The following PPP1R21 variants were observed in gnomAD, a reference collection of about 807,000 sequenced individuals.
PPP1R21 encodes protein phosphatase 1 regulatory subunit 21, also known as KLRAQ motif containing 1.
A neutral mutation model predicts 112.8 loss-of-function variants in PPP1R21; 85 were observed. The ratio of observed to expected loss-of-function variants is 0.75; its 90% confidence interval spans 0.63 to 0.90. PPP1R21 has a LOEUF of 0.90. Ranked by LOEUF, PPP1R21 falls within the 40% of genes least tolerant of loss-of-function variation. PPP1R21 has a pLI of 0.00. For synonymous variants in PPP1R21, 381 were observed against 322.3 expected, an observed-to-expected ratio of 1.18 and a Z score of -1.95; for missense variants, 1,199 against 901.5, an observed-to-expected ratio of 1.33 and a Z score of -4.23.
At position 48,469,279 on chromosome 2, in the gene PPP1R21, GTGTGTGTGTGTGTGTGTA is replaced by G. The variant is rs1468443382; in HGVS notation, c.898-1804_898-1787del. ...ATTTGAATTGTGTGTGTGTGTGTGTGTGTGTGTGTGTGTGTGTATGTATATATATACACACACACACAT... is the reference window on the plus strand; with the variant it reads ...ATTTGAATTGTGTGTGTGTGTGTGTGTGTATATATATACACACACACACAT... On this transcript the variant is annotated intron_variant, in intron 9 of 21. Transcript: ENST00000294952. 5.9e-4 allele frequency among the ~76,000 whole-genome samples: 25 copies of G among 42,478 alleles called. No homozygotes were observed. In the South Asian group the frequency reaches 0.02, roughly 34 times the overall value. The allele number at this position is 42,478 out of a possible 152,430, so 27.9% of individuals were successfully genotyped here.
chr2:48,458,230 G>T lies in PPP1R21; in HGVS notation c.375+3G>T. On this transcript the variant is annotated splice_donor_region_variant and intron_variant, in intron 4 of 21. Coordinates refer to ENST00000294952, the MANE Select transcript of PPP1R21 (RefSeq NM_001135629.3). ...AGAATGAACGGTTGCATATACAAGT[G>T]AGAAAATCTGTTTTTCTATGTGAAT... 1 of 1,593,352 alleles carries T rather than the reference G, an allele frequency of 6.3e-7. No individual in the cohort carries two copies. The highest frequency in any genetic ancestry group is 1.1e-5 in the South Asian group (1 of 90,386).
intron 1 of PPP1R21, 173 bp downstream of exon 1, chr2:48,441,183 A>G: frequency 1.6e-6 from 1 of 626,426 alleles, no homozygotes; most frequent in Non-Finnish European, 2.9e-6. Context: ...AGCTCCCAGG[A>G]GATGGGGCCG....
At chr2:48,470,255 C>T (rs1668440260) in intron 9 of PPP1R21, among the ~76,000 whole-genome samples, 1 of 152,092 alleles carries the variant, frequency 6.6e-6, no homozygotes, top group South Asian at 2.1e-4. Flanking sequence ...TGTTGGCTCA[C>T]ACCTGTAATC....
At chr2:48,507,854 C>T (rs1044594156) in intron 19 of PPP1R21, among the ~76,000 whole-genome samples, 4 of 146,264 alleles carry the variant, frequency 2.7e-5, no homozygotes, top group Non-Finnish European at 5.9e-5. Context: ...CAACCTCCGC[C>T]TCCTGGGTTC....
intron 3 of PPP1R21, among the ~76,000 whole-genome samples, chr2:48,457,111 T>G (rs921186451): frequency 6.6e-6 from 1 of 152,130 alleles, no homozygotes; most frequent in Non-Finnish European, 1.5e-5. Flanking sequence ...AGAATAGTCA[T>G]CTGAACTTCA....
At chr2:48,454,558 A>G (rs748895155) in intron 2 of PPP1R21, 37 bp from the exon 3 acceptor site, 1 of 1,612,558 alleles carries the variant, frequency 6.2e-7, no homozygotes, top group East Asian at 2.2e-5. Flanking sequence ...CCTTACAGCT[A>G]AACTGTGAGG....
chr2:48,485,059 C>T (rs912194324), intron 13 of PPP1R21, among the ~76,000 whole-genome samples: 12 of 152,212 alleles, frequency 7.9e-5, no homozygotes, highest in Admixed American at 6.5e-4. Context: ...TCAGTACTTA[C>T]AGACTGTTGG....
intron 3 of PPP1R21, among the ~76,000 whole-genome samples, chr2:48,456,621 A>G (rs77506834): frequency 0.059 from 9,038 of 152,328 alleles, 360 homozygotes; most frequent in African/African-American, 0.12. Context: ...GGTAGTTGCC[A>G]TAATTATATG....
intron 12 of PPP1R21, among the ~76,000 whole-genome samples, chr2:48,478,741 C>T (rs969566826): frequency 2.6e-5 from 4 of 152,194 alleles, no homozygotes; most frequent in East Asian, 3.9e-4. Flanking sequence ...TCTGGTAAAC[C>T]AGGCAGCCCA....
In PPP1R21 at chr2:48,507,145, A is replaced by G. The variant is rs1670418703; in HGVS notation, c.1969-124A>G. 5.2e-6 allele frequency: 7 copies of G among 1,334,420 alleles called. No homozygotes were observed. In the South Asian group the frequency reaches 9.5e-5, roughly 18 times the overall value. 82.7% of individuals were successfully genotyped at this position (1,334,420 alleles called of 1,614,324 possible). ...GAAGTTTCTTCGAGGGGGTAGGAAA[A>G]CAGTGATTCCCCATCAAAGTTCAAG... On this transcript the variant is annotated intron_variant, in intron 18 of 21. Coordinates refer to ENST00000294952, the MANE Select transcript of PPP1R21 (RefSeq NM_001135629.3).
intron 7 of PPP1R21, among the ~76,000 whole-genome samples, chr2:48,464,612 G>A (rs1668119576): frequency 6.6e-6 from 1 of 152,096 alleles, no homozygotes; most frequent in African/African-American, 2.4e-5. Context: ...TTAGAAGGGA[G>A]AATGACTGAA....
At chr2:48,475,024 A>G (rs1668687784) in intron 12 of PPP1R21, among the ~76,000 whole-genome samples, 2 of 152,154 alleles carry the variant, frequency 1.3e-5, no homozygotes, top group African/African-American at 4.8e-5. Flanking sequence ...TTCTATTTAT[A>G]TAATGGAGTT....
chr2:48,479,076 G>GGCAA (rs1477217914), intron 12 of PPP1R21, among the ~76,000 whole-genome samples: 1 of 152,158 alleles, frequency 6.6e-6, no homozygotes, highest in East Asian at 1.9e-4. Flanking sequence ...GATGAGCTGG[G>GGCAA]GCAAGGGTGA....
intron 3 of PPP1R21, among the ~76,000 whole-genome samples, chr2:48,455,710 G>A (rs774756920): frequency 1.3e-5 from 2 of 152,022 alleles, no homozygotes; most frequent in Non-Finnish European, 2.9e-5. Flanking sequence ...TTGTCAAAGC[G>A]TTACTACTCA....
rs1216730912 is a variant in PPP1R21 at position 48,510,106 on chromosome 2, G to A, written c.2177G>A (p.Arg726Lys). Reference sequence around the variant, plus strand: ...AAACTTGCCAGTCAGAACATCAGCAGACTTCAGGTGAGTTAAGTGTTACCT... The same window carrying A: ...AAACTTGCCAGTCAGAACATCAGCAAACTTCAGGTGAGTTAAGTGTTACCT... The part of the protein sequence containing the change: ...EMKLASQNIS[R>K]LQDELTTTKR... The change falls in exon 20 of 22, where the codon AGA (arginine) becomes AAA (lysine). Residue 726 changes from arginine to lysine, a missense_variant. Transcript: ENST00000294952. 2 of 1,612,594 alleles carry A rather than the reference G, an allele frequency of 1.2e-6. No individual in the cohort carries two copies. The highest frequency in any genetic ancestry group is 3.3e-5 in the Admixed American group (2 of 59,892).
chr2:48,451,348 C>G (rs922008856), intron 2 of PPP1R21, among the ~76,000 whole-genome samples: 1 of 152,162 alleles, frequency 6.6e-6, no homozygotes, highest in Non-Finnish European at 1.5e-5. Flanking sequence ...TTACTTAGCT[C>G]GGTTTATCTG....
intron 11 of PPP1R21, among the ~76,000 whole-genome samples, chr2:48,474,136 A>G (rs1213382339): frequency 6.6e-6 from 1 of 152,182 alleles, no homozygotes; most frequent in Non-Finnish European, 1.5e-5. Flanking sequence ...TAATCCCAGC[A>G]CTTTGGGAAG....
In PPP1R21 at chr2:48,490,963, A is replaced by G. The variant is rs1200736880; in HGVS notation, c.1447-55A>G. 2.8e-5 allele frequency: 41 copies of G among 1,474,566 alleles called. No individual in the cohort carries two copies. The South Asian group carries it at 3.1e-4, about 11-fold the overall frequency. The allele number at this position is 1,474,566 out of a possible 1,614,324, so 91.3% of individuals were successfully genotyped here. On this transcript the variant is annotated intron_variant, in intron 14 of 21. Coordinates refer to ENST00000294952, the MANE Select transcript of PPP1R21 (RefSeq NM_001135629.3). ...TTGCTGCAAAAACTATTAGATATAT[A>G]TTTTAGATATATTGTTGGAAAACAA... is the stretch of plus-strand genomic sequence containing the variant.
At chr2:48,499,914 C>A (rs1241454976) in intron 17 of PPP1R21, among the ~76,000 whole-genome samples, 2 of 152,146 alleles carry the variant, frequency 1.3e-5, no homozygotes, top group African/African-American at 4.8e-5. Context: ...CCCTAATAAT[C>A]AAAGGAGTCT....
Sources: gnomAD v4.1 joint callset for allele counts (sites outside exome capture counted in the v4.1 genomes callset) on GRCh38, gnomAD v4.1.1 for gene constraint, MANE v1.5 for transcripts, NCBI Gene and HGNC (gene_info 2026-07-23, HGNC 2026-07-21) for gene names.